Variants in ATRNL1 observed in about 807,000 individuals in gnomAD.
The protein encoded by ATRNL1 is attractin-like protein 1.
A neutral mutation model predicts 182.7 loss-of-function variants in ATRNL1; 95 were observed. That is an observed-to-expected ratio of 0.52 (90% CI 0.44 to 0.62). The LOEUF is 0.62. ATRNL1 is among the 20% of genes least tolerant of loss of function. The pLI is 0.00. For synonymous variants in ATRNL1, 576 were observed against 568.3 expected (o/e 1.01, Z -0.19); for missense variants, 1,471 against 1,679.5 (o/e 0.88, Z 2.17).
At chr10:115,243,138 C>T (rs567837357) in intron 10 of ATRNL1, among the ~76,000 whole-genome samples, 30 of 151,964 alleles carry the variant, frequency 2.0e-4, no homozygotes, top group African/African-American at 7.2e-4. Context: ...TGTTAAAAAT[C>T]CATGAAGTGG....
At chr10:115,293,613 T>C (rs557254732) in intron 15 of ATRNL1, among the ~76,000 whole-genome samples, 1 of 152,354 alleles carries the variant, frequency 6.6e-6, no homozygotes, top group Non-Finnish European at 1.5e-5. Context: ...CTGTTCTAGA[T>C]GTTAGGCTCC....
chr10:115,141,953 C>A (rs1385298291), intron 5 of ATRNL1, among the ~76,000 whole-genome samples: 2 of 152,006 alleles, frequency 1.3e-5, no homozygotes, highest in African/African-American at 4.8e-5. Context: ...ATTTATTTAT[C>A]TTTTTCATTT....
At chr10:115,559,248 AC>A (rs1305502178) in intron 26 of ATRNL1, among the ~76,000 whole-genome samples, 1 of 152,134 alleles carries the variant, frequency 6.6e-6, no homozygotes, top group Non-Finnish European at 1.5e-5. Flanking sequence ...ATCTAAATAA[AC>A]CTATAGCAAG....
intron 10 of ATRNL1, among the ~76,000 whole-genome samples, chr10:115,244,267 G>A (rs1252429091): frequency 6.6e-6 from 1 of 152,180 alleles, no homozygotes; most frequent in African/African-American, 2.4e-5. Flanking sequence ...GTTGCAAAAT[G>A]TATTATTTGA....
chr10:115,777,878 T>G (rs1218337160), intron 27 of ATRNL1, among the ~76,000 whole-genome samples: 1 of 152,108 alleles, frequency 6.6e-6, no homozygotes, highest in Non-Finnish European at 1.5e-5. Flanking sequence ...ATAGATAATA[T>G]GAGCTGAGAG....
chr10:115,623,695 T>A (rs548456308), intron 26 of ATRNL1, among the ~76,000 whole-genome samples: 19 of 152,208 alleles, frequency 1.2e-4, no homozygotes, highest in East Asian at 3.9e-4. Context: ...TCAGTTTTTT[T>A]AAAAATACTA....
In ATRNL1 at chr10:115,108,956, C is replaced by T. The variant is rs376882994; in HGVS notation, c.294-11229C>T. ...TGCTTCATGTCAAGGATGGCTATTA[C>T]TCCAGTTTGCAGTATCTCTTTCCTC... On this transcript the variant is annotated intron_variant, in intron 1 of 28. Coordinates refer to ENST00000355044, the MANE Select transcript of ATRNL1 (RefSeq NM_207303.4). Among the ~76,000 whole-genome samples the T allele has an allele frequency of 7.9e-4, 120 of 152,230 alleles. 2 individuals carry two copies. The South Asian group carries it at 0.024, about 31-fold the overall frequency.
At chr10:115,881,623 A>G (rs1410461189) in intron 28 of ATRNL1, among the ~76,000 whole-genome samples, 1 of 152,206 alleles carries the variant, frequency 6.6e-6, no homozygotes, top group Non-Finnish European at 1.5e-5. Context: ...TCAAAAACCA[A>G]AAGAACTAAC....
chr10:115,228,766 CTTTT>C (rs35765835), intron 9 of ATRNL1, among the ~76,000 whole-genome samples: 1 of 133,792 alleles, frequency 7.5e-6, no homozygotes, highest in Non-Finnish European at 1.6e-5. Flanking sequence ...TTCTTTCTTT[CTTTT>C]TTTTTTTTTT....
chr10:115,763,127 A>C (rs1188770553), intron 27 of ATRNL1, among the ~76,000 whole-genome samples: 1 of 152,166 alleles, frequency 6.6e-6, no homozygotes, highest in Non-Finnish European at 1.5e-5. Flanking sequence ...TATATATTTT[A>C]CTCTATGCAG....
At chr10:115,298,335 T>A in intron 15 of ATRNL1, among the ~76,000 whole-genome samples, 1 of 152,172 alleles carries the variant, frequency 6.6e-6, no homozygotes, top group East Asian at 1.9e-4. Flanking sequence ...TTATCTTACA[T>A]AAGATAATGA....
chr10:115,677,030 C>G (rs1213758905), intron 26 of ATRNL1, among the ~76,000 whole-genome samples: 1 of 151,962 alleles, frequency 6.6e-6, no homozygotes, highest in Non-Finnish European at 1.5e-5. Flanking sequence ...GTTTTTATTT[C>G]TGGCAGCTTT....
chr10:115,903,703 C>T (rs1952419860), intron 28 of ATRNL1, among the ~76,000 whole-genome samples: 2 of 152,232 alleles, frequency 1.3e-5, no homozygotes, highest in South Asian at 4.2e-4. Context: ...GTCAGAATTT[C>T]CTAAAGAATC....
chr10:115,531,452 T>C (rs1395401735), intron 25 of ATRNL1, among the ~76,000 whole-genome samples: 1 of 152,232 alleles, frequency 6.6e-6, no homozygotes, highest in Non-Finnish European at 1.5e-5. Flanking sequence ...GTTCATACCC[T>C]TTGGCCACTT....
chr10:115,626,358 T>A (rs1858102026), intron 26 of ATRNL1, among the ~76,000 whole-genome samples: 4 of 152,196 alleles, frequency 2.6e-5, no homozygotes, highest in African/African-American at 4.8e-5. Context: ...ATTTTAAACA[T>A]CAGCTGTTCT....
intron 8 of ATRNL1, among the ~76,000 whole-genome samples, chr10:115,204,458 C>A (rs1554893308): frequency 6.6e-6 from 1 of 151,992 alleles, no homozygotes; most frequent in Admixed American, 6.6e-5. Context: ...GAAGTACATT[C>A]CTTTGATACC....
chr10:115,239,901 C>G (rs1052456333), intron 9 of ATRNL1, among the ~76,000 whole-genome samples: 9 of 152,246 alleles, frequency 5.9e-5, no homozygotes, highest in African/African-American at 1.9e-4. Context: ...ATGAGAAGTG[C>G]TGGTATCCTG....
At chr10:115,510,226 G>A (rs527577266) in intron 24 of ATRNL1, among the ~76,000 whole-genome samples, 2 of 152,120 alleles carry the variant, frequency 1.3e-5, no homozygotes, top group African/African-American at 4.8e-5. Context: ...ACAATGAGTT[G>A]GAATATCACA....
At position 115,223,236 on chromosome 10, in the gene ATRNL1, G is replaced by A. The variant is rs116232153; in HGVS notation, c.1532+7356G>A. Among the ~76,000 whole-genome samples, 289 of 152,272 alleles carry A rather than the reference G, an allele frequency of 1.9e-3. 2 individuals carry two copies. The South Asian group carries it at 0.021, about 11-fold the overall frequency. ...GCAGAGGTTGCAATGAGCTGAGATC[G>A]CATCGCTGGACTCCAGCCTGGACGA... On this transcript the variant is annotated intron_variant, in intron 9 of 28. Coordinates refer to ENST00000355044, the MANE Select transcript of ATRNL1 (RefSeq NM_207303.4).
Sources: gnomAD v4.1 joint callset for allele counts (sites outside exome capture counted in the v4.1 genomes callset) on GRCh38, gnomAD v4.1.1 for gene constraint, MANE v1.5 for transcripts, NCBI Gene and HGNC (gene_info 2026-07-23, HGNC 2026-07-21) for gene names.